FGD3: variants seen among roughly 807,000 people sequenced by gnomAD.
The protein encoded by FGD3 is FYVE, RhoGEF and PH domain containing 3.
In FGD3, 45 loss-of-function variants were observed where a neutral mutation model predicts 71.8. The observed-to-expected ratio is 0.63, with a 90% CI of 0.49 to 0.80. FGD3 has a LOEUF of 0.80. FGD3 is among the 30% of genes least tolerant of loss of function. FGD3 has a pLI of 0.00. For synonymous variants in FGD3, 378 were observed against 392.8 expected (o/e 0.96, Z 0.44); for missense variants, 844 against 951.5 (o/e 0.89, Z 1.49).
At chr9:92,989,451 T>C (rs1860316586) in intron 3 of FGD3, among the ~76,000 whole-genome samples, 1 of 152,266 alleles carries the variant, frequency 6.6e-6, no homozygotes, top group Non-Finnish European at 1.5e-5. Flanking sequence ...AGTTTTCTTT[T>C]GTAAACCAAA....
chr9:93,020,722 T>C (rs978202119), intron 13 of FGD3: 1 of 333,916 alleles, frequency 3.0e-6, no homozygotes, highest in Non-Finnish European at 5.7e-6. Context: ...AGAGGATTTA[T>C]GGACAGAAAA....
At chr9:93,028,792 G>A (rs906037888) in intron 14 of FGD3, among the ~76,000 whole-genome samples, 2 of 152,268 alleles carry the variant, frequency 1.3e-5, no homozygotes, top group African/African-American at 4.8e-5. Flanking sequence ...GGGCTGACAG[G>A]AGGCAGGAGA....
At chr9:92,959,241 G>A (rs1262486591) in intron 1 of FGD3, among the ~76,000 whole-genome samples, 1 of 152,036 alleles carries the variant, frequency 6.6e-6, no homozygotes, top group Non-Finnish European at 1.5e-5. Flanking sequence ...GATTATATGC[G>A]TGAACCACTG....
intron 1 of FGD3, among the ~76,000 whole-genome samples, chr9:92,966,213 C>T (rs1257061666): frequency 6.6e-6 from 1 of 152,148 alleles, no homozygotes; most frequent in East Asian, 1.9e-4. Context: ...GAGCCTGCCA[C>T]GGTTTCATCT....
intron 3 of FGD3, among the ~76,000 whole-genome samples, chr9:92,979,502 T>A (rs374174521): frequency 1.3e-5 from 2 of 152,326 alleles, no homozygotes; most frequent in African/African-American, 4.8e-5. Context: ...TGAATTTCAT[T>A]TCCTAGTATT....
At chr9:92,968,104 G>T (rs577148454) in intron 1 of FGD3, among the ~76,000 whole-genome samples, 142 of 152,226 alleles carry the variant, frequency 9.3e-4, no homozygotes, top group African/African-American at 3.4e-3. Context: ...GTTTAAATGT[G>T]GCTGCCCTAA....
rs572259284 is a variant in FGD3, at chr9:93,028,670, G to A, written c.1558-1204G>A. On this transcript the variant is annotated intron_variant, in intron 14 of 17. Transcript: ENST00000375482. ...AATTAGCAACTTGCCAAACGCAGTC[G>A]GGGTTTTATGTACTGTGATGAGGCT... Among the ~76,000 whole-genome samples the A allele has an allele frequency of 1.6e-4, 25 of 152,318 alleles. No individual in the cohort carries two copies. In the South Asian group the frequency reaches 4.1e-3, roughly 25 times the overall value.
At chr9:92,954,554 C>G (rs1859014185) in intron 1 of FGD3, among the ~76,000 whole-genome samples, 1 of 152,174 alleles carries the variant, frequency 6.6e-6, no homozygotes, top group Non-Finnish European at 1.5e-5. Flanking sequence ...CCGGGGTCAC[C>G]TTGCACAGGA....
intron 1 of FGD3, among the ~76,000 whole-genome samples, chr9:92,965,378 C>T (rs1221265024): frequency 6.6e-6 from 1 of 152,206 alleles, no homozygotes; most frequent in African/African-American, 2.4e-5. Context: ...GGCCCCCCAG[C>T]CTGCAAAGTG....
intron 6 of FGD3, among the ~76,000 whole-genome samples, chr9:93,008,144 C>T (rs1861143366): frequency 6.6e-6 from 1 of 151,994 alleles, no homozygotes; most frequent in South Asian, 2.1e-4. Flanking sequence ...TTTATTATTC[C>T]CTCTAAACTC....
intron 15 of FGD3, 200 bp from the exon 16 acceptor site, chr9:93,032,569 C>A (rs548590987): frequency 2.7e-5 from 16 of 588,620 alleles, no homozygotes; most frequent in African/African-American, 5.6e-5. Flanking sequence ...GGGTACCAGA[C>A]GCCCAGCAGG....
chr9:93,014,074 G>T, intron 9 of FGD3, 76 bp downstream of exon 9: 1 of 1,496,350 alleles, frequency 6.7e-7, no homozygotes, highest in Non-Finnish European at 8.9e-7. Context: ...GTGCCAGGAG[G>T]GCTCTGGCTG....
At chr9:93,015,346 C>T (rs984981851) in intron 9 of FGD3, among the ~76,000 whole-genome samples, 8 of 152,064 alleles carry the variant, frequency 5.3e-5, no homozygotes, top group African/African-American at 1.9e-4. Flanking sequence ...ATTCCAGCTA[C>T]TCGGGAGGCT....
intron 17 of FGD3, 98 bp from the exon 18 acceptor site, chr9:93,035,240 G>A: frequency 1.4e-6 from 2 of 1,480,226 alleles, no homozygotes. Flanking sequence ...TGCGTTGCAA[G>A]GGTCTGGGAG....
rs538002348 is a variant in FGD3, at chr9:93,034,300, C to T, written c.1786-241C>T. On this transcript the variant is annotated intron_variant, in intron 16 of 17. Transcript: ENST00000375482. ...TGTGTCCTGACCCAGCATATGGATG[C>T]CCTCCCCTTGGAGGGCCCAGCCTGC... The T allele has an allele frequency of 5.4e-4, 253 of 472,632 alleles. 1 individual carries two copies. Among genetic ancestry groups the T allele is most frequent in the South Asian group, 4.1e-4 (10 of 24,408 alleles). The allele number at this position is 472,632 out of a possible 1,614,324, so 29.3% of individuals were successfully genotyped here.
At chr9:93,009,522 G>C (rs1861213707) in intron 6 of FGD3, among the ~76,000 whole-genome samples, 1 of 152,210 alleles carries the variant, frequency 6.6e-6, no homozygotes, top group African/African-American at 2.4e-5. Context: ...CTCACAGGCT[G>C]CCCAGTGGGC....
At chr9:93,011,373 C>A in intron 8 of FGD3, 101 bp downstream of exon 8, 1 of 1,421,874 alleles carries the variant, frequency 7.0e-7, no homozygotes, top group Non-Finnish European at 9.9e-7. Flanking sequence ...CTTTGGGGGG[C>A]TCCACAAGTG....
rs543796730 is a variant in FGD3, at chr9:92,960,044, C to T, written c.-218+12315C>T. Among the ~76,000 whole-genome samples, 5 of 152,146 alleles carry T rather than the reference C, an allele frequency of 3.3e-5. No homozygotes were observed. In the South Asian group the frequency reaches 1.0e-3, roughly 32 times the overall value. On this transcript the variant is annotated intron_variant, in intron 1 of 17. Coordinates refer to ENST00000375482, the MANE Select transcript of FGD3 (RefSeq NM_001083536.2). ...TCCCTGTGTTCCCATGTCTCCATAT[C>T]CCCATGTCTCCATGTCCTCATGCCC...
chr9:92,994,242 A>C (rs952043907), intron 3 of FGD3, among the ~76,000 whole-genome samples: 1 of 152,084 alleles, frequency 6.6e-6, no homozygotes, highest in South Asian at 2.1e-4. Context: ...TTTCATGTGT[A>C]TGTTGGCTGC....
Sources: allele counts gnomAD v4.1 joint callset (sites outside exome capture counted in the v4.1 genomes callset), GRCh38; gene constraint gnomAD v4.1.1; transcripts MANE v1.5; gene names NCBI Gene and HGNC (gene_info 2026-07-23, HGNC 2026-07-21).